RORA: variants seen among roughly 807,000 people sequenced by gnomAD.
RORA encodes the protein nuclear receptor ROR-alpha.
In RORA, 7 loss-of-function variants were observed where a neutral mutation model predicts 69.5. The observed-to-expected ratio is 0.10, with a 90% CI of 0.06 to 0.19. RORA has a LOEUF of 0.19. RORA is among the 10% of genes least tolerant of loss of function. The pLI, the probability that RORA is intolerant of heterozygous loss-of-function variation, is 1.00. For missense variants in RORA, 457 were observed against 663.0 expected, an observed-to-expected ratio of 0.69 and a Z score of 3.41; for synonymous variants, 261 against 240.8, an observed-to-expected ratio of 1.08 and a Z score of -0.78.
intron 1 of RORA, among the ~76,000 whole-genome samples, chr15:60,947,045 C>G (rs965164277): frequency 1.1e-5 from 1 of 88,728 alleles, no homozygotes; most frequent in African/African-American, 3.0e-5. Context: ...CGGCCAGCCG[C>G]CCCGTCCGGG....
At chr15:60,553,978 A>G (rs2067291338) in intron 2 of RORA, among the ~76,000 whole-genome samples, 1 of 152,204 alleles carries the variant, frequency 6.6e-6, no homozygotes, top group Non-Finnish European at 1.5e-5. Context: ...AGGCCCCCTC[A>G]CATACATATA....
At chr15:60,934,470 G>T (rs78000712) in intron 1 of RORA, among the ~76,000 whole-genome samples, 50 of 22,824 alleles carry the variant, frequency 2.2e-3, no homozygotes, top group African/African-American at 4.8e-3. Flanking sequence ...CCAAGAGTTT[G>T]TTGTTGTTGT....
intron 1 of RORA, among the ~76,000 whole-genome samples, chr15:61,139,940 T>C (rs1019977528): frequency 1.5e-4 from 23 of 152,170 alleles, no homozygotes; most frequent in African/African-American, 5.3e-4. Context: ...TGTTACCTGA[T>C]TGGAAGTTCC....
chr15:60,814,200 CTT>C (rs1844303172), intron 1 of RORA, among the ~76,000 whole-genome samples: 1 of 152,146 alleles, frequency 6.6e-6, no homozygotes, highest in Non-Finnish European at 1.5e-5. Flanking sequence ...CCCAGAAGGA[CTT>C]TCTCTTAGTT....
At chr15:60,827,904 A>G (rs2072987643) in intron 1 of RORA, among the ~76,000 whole-genome samples, 1 of 152,260 alleles carries the variant, frequency 6.6e-6, no homozygotes, top group African/African-American at 2.4e-5. Flanking sequence ...ATAGACAGCC[A>G]GGTATAACCG....
intron 1 of RORA, among the ~76,000 whole-genome samples, chr15:61,139,738 G>A (rs913017874): frequency 3.7e-4 from 56 of 152,328 alleles, no homozygotes; most frequent in Admixed American, 3.5e-3. Context: ...CTGCCTCCGT[G>A]GCTGGCACCA....
At chr15:61,139,084 C>T (rs2079272840) in intron 1 of RORA, among the ~76,000 whole-genome samples, 1 of 151,540 alleles carries the variant, frequency 6.6e-6, no homozygotes, top group Admixed American at 6.6e-5. Context: ...GCGGAGCTTG[C>T]AGTGAGCCAA....
chr15:60,818,377 A>G (rs556177848), intron 1 of RORA, among the ~76,000 whole-genome samples: 3 of 152,326 alleles, frequency 2.0e-5, no homozygotes, highest in East Asian at 3.9e-4. Flanking sequence ...ATTTACATAT[A>G]TGATTTCCTT....
At chr15:60,939,035 C>T (rs1441763542) in intron 1 of RORA, among the ~76,000 whole-genome samples, 1 of 152,226 alleles carries the variant, frequency 6.6e-6, no homozygotes, top group East Asian at 1.9e-4. Flanking sequence ...CAGGCCATTG[C>T]TCGTTGGTCC....
intron 1 of RORA, among the ~76,000 whole-genome samples, chr15:61,135,533 A>C (rs28537897): frequency 7.0e-4 from 98 of 139,658 alleles, no homozygotes; most frequent in African/African-American, 2.3e-3. Flanking sequence ...TCACACTTTG[A>C]TGCTATTCTC....
chr15:60,721,938 A>G (rs1388905067), intron 1 of RORA, among the ~76,000 whole-genome samples: 1 of 152,250 alleles, frequency 6.6e-6, no homozygotes, highest in Non-Finnish European at 1.5e-5. Flanking sequence ...ACGGCGTGCA[A>G]CCAACCCTTT....
intron 1 of RORA, among the ~76,000 whole-genome samples, chr15:60,689,280 T>C (rs1457250901): frequency 4.6e-5 from 7 of 152,258 alleles, no homozygotes; most frequent in African/African-American, 1.7e-4. Context: ...TGGCAATGCA[T>C]CTTACAGGAA....
intron 1 of RORA, among the ~76,000 whole-genome samples, chr15:60,929,230 T>C (rs1415389396): frequency 1.3e-5 from 2 of 152,186 alleles, no homozygotes; most frequent in Non-Finnish European, 2.9e-5. Flanking sequence ...ATTCACAGTC[T>C]GGTGCAACAT....
chr15:60,894,790 C>T (rs1567228682), intron 1 of RORA, among the ~76,000 whole-genome samples: 1 of 152,184 alleles, frequency 6.6e-6, no homozygotes, highest in Non-Finnish European at 1.5e-5. Context: ...TGAAAAGACA[C>T]TTTCAGGCCT....
At chr15:61,033,689 T>C (rs1896301868) in intron 1 of RORA, among the ~76,000 whole-genome samples, 2 of 140,240 alleles carry the variant, frequency 1.4e-5, no homozygotes, top group Non-Finnish European at 3.1e-5. Context: ...ACATATGAAA[T>C]GTGGCCAGTC....
intron 1 of RORA, among the ~76,000 whole-genome samples, chr15:60,861,006 C>T (rs2073431107): frequency 1.3e-5 from 2 of 152,164 alleles, no homozygotes; most frequent in Admixed American, 6.5e-5. Context: ...GGGAAAAGTC[C>T]ATTAATAATG....
At chr15:61,014,856 T>C (rs541287632) in intron 1 of RORA, among the ~76,000 whole-genome samples, 2 of 152,328 alleles carry the variant, frequency 1.3e-5, no homozygotes, top group South Asian at 4.1e-4. Context: ...ACCTGCGACT[T>C]TCCTCCCTGG....
intron 1 of RORA, among the ~76,000 whole-genome samples, chr15:60,971,755 G>A (rs1189576831): frequency 2.0e-5 from 3 of 152,238 alleles, no homozygotes; most frequent in African/African-American, 7.2e-5. Flanking sequence ...GTTCACTAAA[G>A]AGTCACATTC....
intron 1 of RORA, among the ~76,000 whole-genome samples, chr15:60,775,355 C>T (rs183777334): frequency 6.6e-6 from 1 of 152,094 alleles, no homozygotes; most frequent in African/African-American, 2.4e-5. Context: ...AGGAAAAAAA[C>T]CCCTGATTTT....
Sources: gnomAD v4.1 joint callset for allele counts (sites outside exome capture counted in the v4.1 genomes callset) on GRCh38, gnomAD v4.1.1 for gene constraint, MANE v1.5 for transcripts, NCBI Gene and HGNC (gene_info 2026-07-23, HGNC 2026-07-21) for gene names.